Variants in SHQ1 observed in about 807,000 individuals in gnomAD.
SHQ1 encodes SHQ1, H/ACA ribonucleoprotein assembly factor, also known as protein SHQ1 homolog.
In SHQ1, 49 loss-of-function variants were observed where a neutral mutation model predicts 53.8. That is an observed-to-expected ratio of 0.91 (90% confidence interval 0.72 to 1.16). The LOEUF (loss-of-function observed/expected upper bound fraction) is 1.16, where lower values mean the gene tolerates loss of function less well. Ranked by LOEUF, SHQ1 falls within the 50% of genes most tolerant of loss-of-function variation. The pLI, the probability that SHQ1 is intolerant of heterozygous loss-of-function variation, is 0.00. For synonymous variants in SHQ1, 243 were observed against 251.0 expected (o/e 0.97, Z 0.30); for missense variants, 738 against 683.1 (o/e 1.08, Z -0.90).
chr3:72,835,598 A>T (rs1333838298), intron 4 of SHQ1, among the ~76,000 whole-genome samples: 2 of 152,202 alleles, frequency 1.3e-5, no homozygotes, highest in Non-Finnish European at 2.9e-5. Context: ...AACCCCAGAA[A>T]TTTAAAAACT....
intron 9 of SHQ1, among the ~76,000 whole-genome samples, chr3:72,798,729 AG>A (rs2106815787): frequency 6.6e-6 from 1 of 152,346 alleles, no homozygotes; most frequent in East Asian, 1.9e-4. Context: ...CTGACAGACC[AG>A]CTCATGGCTG....
At chr3:72,773,807 T>G (rs1705902783) in intron 10 of SHQ1, among the ~76,000 whole-genome samples, 1 of 152,222 alleles carries the variant, frequency 6.6e-6, no homozygotes, top group Non-Finnish European at 1.5e-5. Flanking sequence ...CATGTCAACC[T>G]GCATAACGAC....
the SHQ1 span, among the ~76,000 whole-genome samples, chr3:72,744,043 G>A: frequency 3.2e-3 from 489 of 152,230 alleles, 2 homozygotes; most frequent in African/African-American, 0.011. Flanking sequence ...AGCATGTAGG[G>A]GAAACACAAA....
intron 6 of SHQ1, among the ~76,000 whole-genome samples, chr3:72,822,182 A>G (rs1050393647): frequency 2.6e-5 from 4 of 152,226 alleles, no homozygotes; most frequent in African/African-American, 4.8e-5. Flanking sequence ...CATTTAGTTT[A>G]TATCTTACAT....
chr3:72,840,717 C>G (rs114032640), intron 4 of SHQ1, among the ~76,000 whole-genome samples: 1 of 152,100 alleles, frequency 6.6e-6, no homozygotes, highest in Non-Finnish European at 1.5e-5. Flanking sequence ...CATGATCTCA[C>G]TTTTCAGAAG....
chr3:72,759,936 G>C (rs1292051952), intron 10 of SHQ1, among the ~76,000 whole-genome samples: 3 of 152,098 alleles, frequency 2.0e-5, no homozygotes, highest in East Asian at 1.9e-4. Context: ...AGCAGAATCA[G>C]AGAAGGTAAT....
chr3:72,837,358 T>A (rs1708032949), intron 4 of SHQ1, among the ~76,000 whole-genome samples: 1 of 152,088 alleles, frequency 6.6e-6, no homozygotes, highest in Admixed American at 6.6e-5. Flanking sequence ...GTCTAAAAAG[T>A]TGGAGGCAAA....
At chr3:72,744,829 C>A (rs1393580133), downstream of SHQ1, among the ~76,000 whole-genome samples, 2 of 151,624 alleles carry the variant, frequency 1.3e-5, no homozygotes, top group East Asian at 1.9e-4. Context: ...CTAATGGAGA[C>A]CCCTGACCAA....
chr3:72,782,835 T>C (rs1706108859), intron 10 of SHQ1, among the ~76,000 whole-genome samples: 1 of 152,224 alleles, frequency 6.6e-6, no homozygotes, highest in African/African-American at 2.4e-5. Context: ...TAACCACACA[T>C]ATGCCACATT....
At chr3:72,811,450 C>T (rs1422039288) in intron 9 of SHQ1, among the ~76,000 whole-genome samples, 2 of 152,054 alleles carry the variant, frequency 1.3e-5, no homozygotes, top group African/African-American at 2.4e-5. Context: ...GAAGAAATAA[C>T]ACATGAAAAA....
In SHQ1 at chr3:72,749,985, A is replaced by C. The variant is rs1705329264; in HGVS notation, c.*299T>G. 2.8e-6 allele frequency: 1 copy of C among 356,862 alleles called. No individual in the cohort carries two copies. Among genetic ancestry groups the C allele is most frequent in the Middle Eastern group, 7.9e-4 (1 of 1,258 alleles). 22.1% of individuals were successfully genotyped at this position (356,862 alleles called of 1,614,324 possible). A position where few individuals can be genotyped will look rare whatever the true frequency, so the allele number is the denominator to read the frequency against. On this transcript the variant is annotated 3_prime_UTR_variant, in exon 11 of 11. Coordinates refer to ENST00000325599, the MANE Select transcript of SHQ1 (RefSeq NM_018130.3). ...TACCCACATCCTCCTGCACAGTTTA[A>C]ATCATCACTAGATTACTTATATTAC...
At chr3:72,753,032 C>G in intron 10 of SHQ1, 2 of 985,216 alleles carry the variant, frequency 2.0e-6, no homozygotes, top group South Asian at 9.4e-5. Context: ...ATAAACTTTT[C>G]CATTATTAAC....
At chr3:72,794,718 A>T (rs1263590040) in intron 9 of SHQ1, 1 of 152,210 alleles carries the variant, frequency 6.6e-6, no homozygotes, top group Non-Finnish European at 1.5e-5. Context: ...CTCTTTCTAC[A>T]GACTTGTTTC....
chr3:72,733,007 C>T, the SHQ1 span, among the ~76,000 whole-genome samples: 3,052 of 151,620 alleles, frequency 0.02, 196 homozygotes, highest in African/African-American at 0.069. Flanking sequence ...AGCCTGGCCA[C>T]GGTGCAGATG....
At position 72,815,936 on chromosome 3, in the gene SHQ1, T is replaced by A. The variant is rs3772970; in HGVS notation, c.883-533A>T. 4.6e-4 allele frequency among the ~76,000 whole-genome samples: 70 copies of A among 152,316 alleles called. 1 individual carries two copies. In the East Asian group the frequency reaches 0.013, roughly 29 times the overall value. On this transcript the variant is annotated intron_variant, in intron 7 of 10. Coordinates refer to ENST00000325599, the MANE Select transcript of SHQ1 (RefSeq NM_018130.3). ...ACAAGAATAAAAAATGGTAAATTTT[T>A]TCAAATATACCTAAACACTCATCTT...
intron 10 of SHQ1, among the ~76,000 whole-genome samples, chr3:72,778,236 G>A (rs1705997175): frequency 6.6e-6 from 1 of 152,058 alleles, no homozygotes; most frequent in African/African-American, 2.4e-5. Flanking sequence ...TGAAATGGGA[G>A]GATCATTTGA....
chr3:72,817,441 A>C, intron 6 of SHQ1, 57 bp from the exon 7 acceptor site: 3 of 1,476,026 alleles, frequency 2.0e-6, no homozygotes, highest in Non-Finnish European at 2.8e-6. Context: ...AAAACTCCCA[A>C]TGGAAGATTT....
downstream of SHQ1, among the ~76,000 whole-genome samples, chr3:72,745,477 A>T (rs1297333458): frequency 6.6e-6 from 1 of 152,212 alleles, no homozygotes; most frequent in Non-Finnish European, 1.5e-5. Flanking sequence ...GGTCAATGAT[A>T]ATGCAAGCCT....
the SHQ1 span, among the ~76,000 whole-genome samples, chr3:72,744,076 G>A: frequency 1.3e-5 from 2 of 152,322 alleles, no homozygotes; most frequent in East Asian, 1.9e-4. Flanking sequence ...TATTATGGGC[G>A]AGGCTCTACA....
Sources: allele counts gnomAD v4.1 joint callset (sites outside exome capture counted in the v4.1 genomes callset), GRCh38; gene constraint gnomAD v4.1.1; transcripts MANE v1.5; gene names NCBI Gene and HGNC (gene_info 2026-07-23, HGNC 2026-07-21).